MTF1: variants seen among roughly 807,000 people sequenced by gnomAD.
MTF1 encodes the protein metal regulatory transcription factor 1.
Under a neutral mutation model 70.4 loss-of-function variants are expected in MTF1, and 22 were observed. That is an observed-to-expected ratio of 0.31 (90% CI 0.22 to 0.45). The LOEUF is 0.45. Ranked by LOEUF, MTF1 falls within the 20% of genes least tolerant of loss-of-function variation. The pLI is 1.00. For missense variants in MTF1, 649 were observed against 922.0 expected, an observed-to-expected ratio of 0.70 and a Z score of 3.83; for synonymous variants, 333 against 352.8, an observed-to-expected ratio of 0.94 and a Z score of 0.63.
intron 2 of MTF1, among the ~76,000 whole-genome samples, chr1:37,845,048 C>G (rs368255453): frequency 6.6e-6 from 1 of 152,212 alleles, no homozygotes. Flanking sequence ...ATAGCTACTT[C>G]CCGGCTGGAC....
At chr1:37,842,163 A>G (rs956488867) in intron 2 of MTF1, among the ~76,000 whole-genome samples, 1 of 152,158 alleles carries the variant, frequency 6.6e-6, no homozygotes, top group African/African-American at 2.4e-5. Context: ...AGCACTTAGG[A>G]GGCTGAGGTG....
At chr1:37,859,243 G>A (rs1162335654) in intron 1 of MTF1, among the ~76,000 whole-genome samples, 2 of 152,230 alleles carry the variant, frequency 1.3e-5, no homozygotes, top group Non-Finnish European at 2.9e-5. Flanking sequence ...CCCTTGAGAG[G>A]AGGCTGGGAA....
At chr1:37,827,917 G>A (rs894428403) in intron 7 of MTF1, among the ~76,000 whole-genome samples, 1 of 152,096 alleles carries the variant, frequency 6.6e-6, no homozygotes, top group Non-Finnish European at 1.5e-5. Flanking sequence ...CAAAACATAT[G>A]TACAAAAATG....
chr1:37,816,674 CAA>C (rs35764920), intron 10 of MTF1, among the ~76,000 whole-genome samples: 14 of 95,994 alleles, frequency 1.5e-4, no homozygotes, highest in East Asian at 3.0e-4. Context: ...GACTCCATCT[CAA>C]AAAAAAAAAA....
chr1:37,818,987 C>T (rs1028215475), intron 9 of MTF1, among the ~76,000 whole-genome samples: 2 of 141,494 alleles, frequency 1.4e-5, no homozygotes, highest in African/African-American at 2.7e-5. Context: ...AGTGAGACTC[C>T]GTGTCAAAAC....
chr1:37,834,471 A>T (rs1039364275), intron 6 of MTF1, among the ~76,000 whole-genome samples: 3 of 152,172 alleles, frequency 2.0e-5, no homozygotes, highest in Non-Finnish European at 4.4e-5. Flanking sequence ...AATAATTTTT[A>T]AAAATCTATA....
Position 37,817,444 on chromosome 1 carries a change from A to T in MTF1, c.1806T>A (p.Thr602=). 6.2e-7 allele frequency: 1 copy of T among 1,612,818 alleles called. No individual in the cohort carries two copies. Among genetic ancestry groups the T allele is most frequent in the Non-Finnish European group, 8.5e-7 (1 of 1,178,774 alleles). ...CTGGGCTACTGGCTACTGGTACTGC[A>T]GTGGTAAAAAACACCTTCTCAACTT... ...ASKVEKVFFT[T]AVPVASSPGS... is the part of the protein sequence containing the mutation. The change falls in exon 10 of 11, where the codon ACT becomes ACA. Residue 602 remains threonine, a synonymous_variant. Transcript: ENST00000373036.
chr1:37,819,596 C>T (rs114945712), intron 9 of MTF1, among the ~76,000 whole-genome samples: 1 of 152,128 alleles, frequency 6.6e-6, no homozygotes, highest in East Asian at 1.9e-4. Context: ...AAAATTGCCT[C>T]TAAGATGAGT....
chr1:37,838,018 T>C (rs1641197054), intron 4 of MTF1, among the ~76,000 whole-genome samples: 1 of 152,206 alleles, frequency 6.6e-6, no homozygotes, highest in African/African-American at 2.4e-5. Flanking sequence ...TTATAGTAAA[T>C]GTATCTATTA....
At chr1:37,830,474 G>C (rs867380411) in intron 7 of MTF1, among the ~76,000 whole-genome samples, 6 of 151,908 alleles carry the variant, frequency 3.9e-5, no homozygotes, top group Non-Finnish European at 8.8e-5. Flanking sequence ...TTATGTCCTT[G>C]AGCATATAAT....
chr1:37,817,867 C>A (rs1640842953), intron 9 of MTF1, among the ~76,000 whole-genome samples: 1 of 152,200 alleles, frequency 6.6e-6, no homozygotes, highest in Non-Finnish European at 1.5e-5. Context: ...TCTAAGAAAG[C>A]TGGAAAGTTC....
intron 2 of MTF1, among the ~76,000 whole-genome samples, chr1:37,842,694 C>G (rs1203356128): frequency 6.6e-6 from 1 of 152,106 alleles, no homozygotes; most frequent in African/African-American, 2.4e-5. Flanking sequence ...CAGCAGAAGA[C>G]TGAATTCTGG....
rs1640754747 is a variant in MTF1, at chr1:37,812,682, C to G, written c.*2454G>C. 1.3e-5 allele frequency: 2 copies of G among 152,332 alleles called. No homozygotes were observed. Among genetic ancestry groups the G allele is most frequent in the African/African-American group, 4.8e-5 (2 of 41,578 alleles). The allele number at this position is 152,332 out of a possible 1,614,324, so 9.4% of individuals were successfully genotyped here. On this transcript the variant is annotated 3_prime_UTR_variant, in exon 11 of 11. Transcript: ENST00000373036. Reference sequence around the variant, plus strand: ...TTCCCTGGGCTCCTATTTCCCACTTCCGCCCCAGGGAACCCAAATCCCAGG... The same window carrying G: ...TTCCCTGGGCTCCTATTTCCCACTTGCGCCCCAGGGAACCCAAATCCCAGG...
At chr1:37,838,914 C>T (rs138394937) in intron 3 of MTF1, among the ~76,000 whole-genome samples, 158 bp from the exon 4 acceptor site, 1,879 of 150,374 alleles carry the variant, frequency 0.012, 23 homozygotes, top group Non-Finnish European at 0.015. Context: ...AAGCGATTCT[C>T]CTGCCTCAGC....
intron 6 of MTF1, among the ~76,000 whole-genome samples, chr1:37,834,841 G>A (rs537329280): frequency 6.6e-6 from 1 of 152,324 alleles, no homozygotes; most frequent in African/African-American, 2.4e-5. Context: ...TTACCAAGAC[G>A]AGGAAGACTG....
chr1:37,856,317 A>G (rs868024816), intron 2 of MTF1, among the ~76,000 whole-genome samples: 5 of 150,132 alleles, frequency 3.3e-5, no homozygotes, highest in African/African-American at 1.2e-4. Flanking sequence ...AGCTGGGATT[A>G]CAGGCACCCG....
At chr1:37,832,151 A>C in intron 7 of MTF1, 94 bp downstream of exon 7, 1 of 785,594 alleles carries the variant, frequency 1.3e-6, no homozygotes, top group Non-Finnish European at 2.1e-6. Flanking sequence ...AATTTAGAAA[A>C]CTTCAAAGAC....
In MTF1 at chr1:37,833,957, G is replaced by A. The variant is rs146204784; in HGVS notation, c.990+1122C>T. On this transcript the variant is annotated intron_variant, in intron 6 of 10. Coordinates refer to ENST00000373036, the MANE Select transcript of MTF1 (RefSeq NM_005955.3). Reference sequence around the variant, plus strand: ...GGAAGAAAAGTAGGCAGGGCACAGTGGCTCACATCTGTAATCCCGGTACTT... The same window carrying A: ...GGAAGAAAAGTAGGCAGGGCACAGTAGCTCACATCTGTAATCCCGGTACTT... Among the ~76,000 whole-genome samples, 301 of 152,230 alleles carry A rather than the reference G, an allele frequency of 2.0e-3. 1 individual carries two copies. The highest frequency in any genetic ancestry group is 6.8e-3 in the African/African-American group (283 of 41,512).
chr1:37,847,530 C>T (rs1278493141), intron 2 of MTF1, among the ~76,000 whole-genome samples: 1 of 152,226 alleles, frequency 6.6e-6, no homozygotes, highest in African/African-American at 2.4e-5. Flanking sequence ...AGTCCTCATT[C>T]TTTGAGAGCC....
Sources: gnomAD v4.1 joint callset for allele counts (sites outside exome capture counted in the v4.1 genomes callset) on GRCh38, gnomAD v4.1.1 for gene constraint, MANE v1.5 for transcripts, NCBI Gene and HGNC (gene_info 2026-07-23, HGNC 2026-07-21) for gene names.